CFAP57: variants seen among roughly 807,000 people sequenced by gnomAD.
The protein encoded by CFAP57 is cilia and flagella associated protein 57.
In CFAP57, 116 loss-of-function variants were observed where a neutral mutation model predicts 146.8. That is an observed-to-expected ratio of 0.79 (90% CI 0.68 to 0.92). CFAP57 has a LOEUF of 0.92. Ranked by LOEUF, CFAP57 falls within the 40% of genes least tolerant of loss-of-function variation. The pLI is 0.00. For missense variants in CFAP57, 1,377 were observed against 1,527.2 expected, an observed-to-expected ratio of 0.90 and a Z score of 1.64; for synonymous variants, 518 against 552.8, an observed-to-expected ratio of 0.94 and a Z score of 0.88.
chr1:43,178,862 A>G (rs1037615617), intron 2 of CFAP57, among the ~76,000 whole-genome samples: 1 of 152,238 alleles, frequency 6.6e-6, no homozygotes, highest in African/African-American at 2.4e-5. Flanking sequence ...ACTGTTCACA[A>G]TAGCAAAGAC....
At chr1:43,183,924 A>G in intron 4 of CFAP57, 47 bp downstream of exon 4, 1 of 1,609,966 alleles carries the variant, frequency 6.2e-7, no homozygotes, top group Non-Finnish European at 8.5e-7. Flanking sequence ...TTGTACTGAC[A>G]GCATTATGCA....
intron 5 of CFAP57, 101 bp downstream of exon 5, chr1:43,185,457 C>A (rs144227313): frequency 1.9e-5 from 21 of 1,102,874 alleles, no homozygotes; most frequent in African/African-American, 3.1e-5. Context: ...AGGGATAGGG[C>A]AGGATTGCTG....
chr1:43,242,585 G>C (rs974016913), intron 21 of CFAP57, among the ~76,000 whole-genome samples: 3 of 152,188 alleles, frequency 2.0e-5, no homozygotes, highest in South Asian at 2.1e-4. Context: ...ATGCTGCTAA[G>C]GGCAGACCAT....
Position 43,232,631 on chromosome 1 carries a change from G to C in CFAP57, c.3126+7G>C, listed in dbSNP as rs1459647812. ...GCGCAGAGAGAGACAGAAGGTGTGA[G>C]GGTTTCAGAGTCTGGCAGTTCTTGG... On this transcript the variant is annotated splice_region_variant and intron_variant, in intron 19 of 22. Transcript: ENST00000372492. 2.6e-6 allele frequency: 4 copies of C among 1,518,734 alleles called. No individual in the cohort carries two copies. Among genetic ancestry groups the C allele is most frequent in the Admixed American group, 4.0e-5 (2 of 49,576 alleles). 94.1% of individuals were successfully genotyped at this position (1,518,734 alleles called of 1,614,324 possible).
At chr1:43,244,543 G>A (rs1332984929) in intron 22 of CFAP57, among the ~76,000 whole-genome samples, 1 of 152,172 alleles carries the variant, frequency 6.6e-6, no homozygotes, top group Non-Finnish European at 1.5e-5. Context: ...TAAACCCTGA[G>A]TAGTACCTGA....
intron 18 of CFAP57, chr1:43,232,044 C>T: frequency 1.4e-6 from 1 of 698,840 alleles, no homozygotes; most frequent in Non-Finnish European, 2.6e-6. Context: ...ACATGTTGGT[C>T]CCTCCAAACT....
Position 43,183,869 on chromosome 1 carries a change from A to G in CFAP57, c.753A>G (p.Glu251=), listed in dbSNP as rs1411267572. ...CAAAGAGCCTGGATGTCATTCAGGA[A>G]TCAGAGAGGTAATGGTGCTTCCTGG... is the stretch of plus-strand genomic sequence containing the variant. The part of the protein sequence containing the change: ...NGSKSLDVIQ[E]SESLIEFPPV... The change falls in exon 4 of 23, where the codon GAA becomes GAG. Residue 251 remains glutamate, a synonymous_variant. Coordinates refer to ENST00000372492, the MANE Select transcript of CFAP57 (RefSeq NM_001378189.1). 1.2e-6 allele frequency: 2 copies of G among 1,614,058 alleles called. No homozygotes were observed. The highest frequency in any genetic ancestry group is 1.3e-5 in the African/African-American group (1 of 75,058).
intron 22 of CFAP57, among the ~76,000 whole-genome samples, chr1:43,249,813 T>C (rs1314351881): frequency 2.0e-5 from 3 of 152,042 alleles, no homozygotes; most frequent in Non-Finnish European, 2.9e-5. Context: ...GTTAAATACA[T>C]AGATATTTTT....
chr1:43,207,657 A>G (rs1182892734), intron 10 of CFAP57, among the ~76,000 whole-genome samples: 1 of 152,222 alleles, frequency 6.6e-6, no homozygotes, highest in Non-Finnish European at 1.5e-5. Flanking sequence ...TGAAATCCCC[A>G]AACTCTGAAA....
intron 11 of CFAP57, chr1:43,210,345 ACATTTGTAAATTGT>A: frequency 7.4e-7 from 1 of 1,359,780 alleles, no homozygotes; most frequent in Non-Finnish European, 9.5e-7. Flanking sequence ...CCATGAGTAC[ACATTTGTAAATTGT>A]CCTTCCATTC....
intron 6 of CFAP57, among the ~76,000 whole-genome samples, chr1:43,197,139 G>A (rs982228726): frequency 6.6e-6 from 1 of 152,078 alleles, no homozygotes; most frequent in African/African-American, 2.4e-5. Context: ...GGATCATAAG[G>A]TCAGGAGATC....
chr1:43,197,314 G>A (rs183804243), intron 6 of CFAP57, among the ~76,000 whole-genome samples: 21 of 152,136 alleles, frequency 1.4e-4, no homozygotes, highest in African/African-American at 4.6e-4. Context: ...ATGAGATTGC[G>A]CCACTGCACT....
intron 12 of CFAP57, among the ~76,000 whole-genome samples, chr1:43,216,650 C>T (rs1347399954): frequency 6.6e-6 from 1 of 152,132 alleles, no homozygotes; most frequent in Non-Finnish European, 1.5e-5. Context: ...TCTGTCTTAC[C>T]ATCCTTGTGA....
At chr1:43,237,911 C>T (rs1273838084) in intron 21 of CFAP57, among the ~76,000 whole-genome samples, 2 of 152,044 alleles carry the variant, frequency 1.3e-5, no homozygotes, top group African/African-American at 2.4e-5. Context: ...ACTCCATTGG[C>T]AAGGTGGGAA....
At chr1:43,185,001 A>G (rs897563526) in intron 4 of CFAP57, 148 bp from the exon 5 acceptor site, 1 of 864,464 alleles carries the variant, frequency 1.2e-6, no homozygotes. Flanking sequence ...TACGGTTCCC[A>G]AGCCAAAGGG....
intron 6 of CFAP57, among the ~76,000 whole-genome samples, chr1:43,192,172 A>G (rs567585189): frequency 1.3e-5 from 2 of 152,242 alleles, no homozygotes; most frequent in South Asian, 2.1e-4. Context: ...TCTATTCTGG[A>G]GACTGCTCTA....
intron 10 of CFAP57, 28 bp downstream of exon 10, chr1:43,206,960 G>C: frequency 6.2e-7 from 1 of 1,609,234 alleles, no homozygotes; most frequent in Non-Finnish European, 8.5e-7. Context: ...CCGCCTCTGG[G>C]CTGGTGCACG....
intron 7 of CFAP57, 126 bp from the exon 8 acceptor site, chr1:43,198,355 G>A: frequency 9.2e-7 from 1 of 1,086,578 alleles, no homozygotes; most frequent in African/African-American, 1.6e-5. Context: ...AGAAAAGAGA[G>A]GAACCAACAA....
intron 2 of CFAP57, 54 bp downstream of exon 2, chr1:43,172,964 C>T (rs1051555207): frequency 3.4e-6 from 5 of 1,478,392 alleles, no homozygotes; most frequent in Non-Finnish European, 3.8e-6. Flanking sequence ...CACATATAAC[C>T]CCATAATCCC....
Sources: allele counts gnomAD v4.1 joint callset (sites outside exome capture counted in the v4.1 genomes callset), GRCh38; gene constraint gnomAD v4.1.1; transcripts MANE v1.5; gene names NCBI Gene and HGNC (gene_info 2026-07-23, HGNC 2026-07-21).